The following OTC variants were observed in gnomAD, a reference collection of about 807,000 sequenced individuals.
OTC encodes ornithine transcarbamylase, mitochondrial.
A neutral mutation model predicts 30.3 loss-of-function variants in OTC; 3 were observed. The ratio of observed to expected loss-of-function variants is 0.10; its 90% confidence interval spans 0.05 to 0.26. OTC has a LOEUF of 0.26. Ranked by LOEUF, OTC falls within the 10% of genes least tolerant of loss-of-function variation. The pLI is 1.00. For synonymous variants in OTC, 111 were observed against 99.7 expected (o/e 1.11, Z -0.67); for missense variants, 194 against 260.3 (o/e 0.75, Z 1.75).
intron 4 of OTC, among the ~76,000 whole-genome samples, chrX:38,389,957 A>G (rs1172305175): frequency 8.9e-6 from 1 of 112,088 alleles, no homozygotes; most frequent in Non-Finnish European, 1.9e-5. Context: ...CCCAATCTCA[A>G]GACAAGCACT....
chrX:38,399,407 T>C (rs1019561929), intron 4 of OTC, among the ~76,000 whole-genome samples: 6 of 111,235 alleles, frequency 5.4e-5, no homozygotes, highest in African/African-American at 2.0e-4. Flanking sequence ...TTTTGATTTT[T>C]CTGATTTAAT....
intron 2 of OTC, 24 bp from the exon 3 acceptor site, chrX:38,369,772 T>G: frequency 2.1e-6 from 2 of 930,561 alleles, no homozygotes; most frequent in Non-Finnish European, 3.1e-6. Context: ...ATATTTTAAT[T>G]CTATTCTTGT....
At chrX:38,344,406 G>A in the OTC span, among the ~76,000 whole-genome samples, 1 of 111,432 alleles carries the variant, frequency 9.0e-6, no homozygotes, top group Admixed American at 9.6e-5. Flanking sequence ...ACAGAGCAGA[G>A]CTTTACAGCT....
the OTC span, among the ~76,000 whole-genome samples, chrX:38,335,336 G>A: frequency 8.9e-6 from 1 of 112,410 alleles, no homozygotes. Context: ...GCAGTGTCTG[G>A]TTTTCAGCAA....
At chrX:38,328,103 G>C in the OTC span, among the ~76,000 whole-genome samples, 1 of 112,271 alleles carries the variant, frequency 8.9e-6, no homozygotes, top group Admixed American at 9.4e-5. Flanking sequence ...ATACACAAAG[G>C]GGTAGCCCAA....
intron 1 of OTC, among the ~76,000 whole-genome samples, chrX:38,353,879 C>T (rs1358256538): frequency 9.0e-6 from 1 of 111,611 alleles, no homozygotes; most frequent in Non-Finnish European, 1.9e-5. Context: ...AATTGTTTCA[C>T]TTCTCTTATT....
Position 38,421,062 on chromosome X carries a change from C to A in OTC, c.1045C>A (p.Leu349Ile). The change falls in exon 10 of 10, where the codon CTC becomes ATC. Residue 349 changes from leucine (L) to isoleucine (I), a missense_variant. Transcript: ENST00000039007. ...VSLLTDYSPQLQKPKF is the reference protein window; with the variant it reads ...VSLLTDYSPQIQKPKF ...CCTGCTGACAGATTACTCACCTCAGCTCCAGAAGCCTAAATTTTGATGTTG... is the reference window on the plus strand; with the variant it reads ...CCTGCTGACAGATTACTCACCTCAGATCCAGAAGCCTAAATTTTGATGTTG... 1 of 1,196,421 alleles carries A rather than the reference C, an allele frequency of 8.4e-7. No individual in the cohort carries two copies. Among genetic ancestry groups the A allele is most frequent in the South Asian group, 1.8e-5 (1 of 56,627 alleles).
intron 1 of OTC, among the ~76,000 whole-genome samples, chrX:38,363,149 G>A (rs1186688272): frequency 9.0e-6 from 1 of 111,462 alleles, no homozygotes; most frequent in African/African-American, 3.3e-5. Flanking sequence ...AAAAATTGAG[G>A]GCCTCAAAAT....
rs765590119 is a variant in OTC, at chrX:38,421,180, C to A, written c.*98C>A. ...AGAGAATCTAAAAAATAAACAAATC[C>A]CTAACACGTGGTATGGGTGAACCGT... On this transcript the variant is annotated 3_prime_UTR_variant, in exon 10 of 10. Coordinates refer to ENST00000039007, the MANE Select transcript of OTC (RefSeq NM_000531.6). 4.3e-5 allele frequency: 26 copies of A among 607,704 alleles called. No homozygotes were observed. Among genetic ancestry groups the A allele is most frequent in the Non-Finnish European group, 5.8e-5 (21 of 359,496 alleles). 50.1% of individuals were successfully genotyped at this position (607,704 alleles called of 1,213,427 possible). A position where few individuals can be genotyped will look rare whatever the true frequency, so the allele number is the denominator to read the frequency against.
chrX:38,377,463 A>G (rs914900884), intron 3 of OTC, among the ~76,000 whole-genome samples: 11 of 112,124 alleles, frequency 9.8e-5, no homozygotes, highest in African/African-American at 3.6e-4. Context: ...AATACAGATC[A>G]AAACAGAAAT....
At chrX:38,380,920 G>A (rs1359009316) in intron 3 of OTC, among the ~76,000 whole-genome samples, 2 of 111,376 alleles carry the variant, frequency 1.8e-5, no homozygotes, top group African/African-American at 6.5e-5. Flanking sequence ...GTAGAGACAG[G>A]GTTTTGCCAT....
intron 4 of OTC, among the ~76,000 whole-genome samples, chrX:38,381,680 A>G (rs980260663): frequency 3.6e-5 from 4 of 111,855 alleles, no homozygotes; most frequent in Non-Finnish European, 5.6e-5. Flanking sequence ...GGAAATTTTG[A>G]GTTCATCAAG....
At chrX:38,339,899 C>T in the OTC span, among the ~76,000 whole-genome samples, 1 of 111,390 alleles carries the variant, frequency 9.0e-6, no homozygotes, top group Non-Finnish European at 1.9e-5. Context: ...CTAATTATTT[C>T]ACCAGTTTGA....
chrX:38,343,090 T>A, the OTC span, among the ~76,000 whole-genome samples: 1 of 112,273 alleles, frequency 8.9e-6, no homozygotes, highest in Non-Finnish European at 1.9e-5. Context: ...GCAGTGACTT[T>A]TGAAGCCATC....
At chrX:38,412,521 C>A in intron 9 of OTC, among the ~76,000 whole-genome samples, 1 of 112,101 alleles carries the variant, frequency 8.9e-6, no homozygotes, top group Non-Finnish European at 1.9e-5. Flanking sequence ...CAAAACTTAT[C>A]TTAAAAATTA....
the OTC span, among the ~76,000 whole-genome samples, chrX:38,345,831 G>A: frequency 3.1e-3 from 339 of 110,992 alleles, 1 homozygote; most frequent in African/African-American, 0.01. Flanking sequence ...ATGAGCCACC[G>A]TGCCCGACCC....
At chrX:38,364,882 C>T (rs1298123705) in intron 1 of OTC, among the ~76,000 whole-genome samples, 1 of 111,757 alleles carries the variant, frequency 8.9e-6, no homozygotes, top group Non-Finnish European at 1.9e-5. Flanking sequence ...CTAACTAGAC[C>T]TCTGAAGGGC....
intron 4 of OTC, 116 bp downstream of exon 4, chrX:38,381,545 A>G: frequency 3.6e-6 from 2 of 549,669 alleles, no homozygotes; most frequent in Non-Finnish European, 6.3e-6. Flanking sequence ...TCTGTTCTCC[A>G]TTTTCCCTCT....
rs72558440 is a variant in OTC, at chrX:38,408,922, A to G, written c.764A>G (p.His255Arg). The change falls in exon 8 of 10, where the codon CAT (histidine) becomes CGT (arginine). Residue 255 changes from histidine to arginine, a missense_variant. His to Arg is a conservative substitution (Grantham distance 29, BLOSUM62 0). Transcript: ENST00000039007. The part of the protein sequence containing the change: ...LLTNDPLEAA[H>R]GGNVLITDTW... ...ACAAATGATCCATTGGAAGCAGCGC[A>G]TGGAGGCAATGTATTAATTACAGAC... 6 of 1,128,440 alleles carry G rather than the reference A, an allele frequency of 5.3e-6. No homozygotes were observed. The highest frequency in any genetic ancestry group is 7.1e-6 in the Non-Finnish European group (6 of 844,618). 93.0% of individuals were successfully genotyped at this position (1,128,440 alleles called of 1,213,427 possible). A position where few individuals can be genotyped will look rare whatever the true frequency, so the allele number is the denominator to read the frequency against.
Sources: allele counts gnomAD v4.1 joint callset (sites outside exome capture counted in the v4.1 genomes callset), GRCh38; gene constraint gnomAD v4.1.1; transcripts MANE v1.5; gene names NCBI Gene and HGNC (gene_info 2026-07-23, HGNC 2026-07-21).